The following C2orf81 variants were observed in gnomAD, a reference collection of about 807,000 sequenced individuals.
C2orf81 encodes uncharacterized protein C2orf81.
C2orf81 carries 5 observed loss-of-function variants against 7.9 expected under a neutral mutation model. That is an observed-to-expected ratio of 0.63 (90% CI 0.33 to 1.33). The LOEUF is 1.33. Among genes scored for constraint, C2orf81 ranks in the 40% most tolerant of loss-of-function variants. The probability of loss-of-function intolerance (pLI) is 0.05; values close to 1 mark genes in which losing one functional copy is unlikely to be tolerated. For missense variants in C2orf81, 781 were observed against 830.4 expected, an observed-to-expected ratio of 0.94 and a Z score of 0.73; for synonymous variants, 346 against 367.4, an observed-to-expected ratio of 0.94 and a Z score of 0.66.
intron 1 of C2orf81, among the ~76,000 whole-genome samples, chr2:74,417,959 G>A (rs1676511426): frequency 6.6e-6 from 1 of 151,714 alleles, no homozygotes; most frequent in Non-Finnish European, 1.5e-5. Context: ...CAGCCCATAG[G>A]GACCTGCAGC....
Position 74,415,508 on chromosome 2 carries a change from GGCC to G in C2orf81, c.666_668del (p.Ala223del), listed in dbSNP as rs1242963790. The G allele has an allele frequency of 6.5e-7, 1 of 1,544,602 alleles. No homozygotes were observed. The highest frequency in any genetic ancestry group is 1.2e-5 in the South Asian group (1 of 83,964). ...GAAACAGCTCTGATGTGGGAGGAGG[GGCC>G]GACGTGACTCTCAGCTGCGGAGAAG... On this transcript the variant is annotated inframe_deletion, in exon 3 of 3. Transcript: ENST00000684111. This position sits in a 1 kb window ranked among gnomAD's most constrained non-coding sequence, Gnocchi z 5.5.
intron 1 of C2orf81, among the ~76,000 whole-genome samples, chr2:74,416,991 T>C (rs890000823): frequency 6.6e-6 from 1 of 152,118 alleles, no homozygotes; most frequent in African/African-American, 2.4e-5. Context: ...TGCTGCAGCA[T>C]CCTAGGGGAG....
chr2:74,415,853 G>A lies in C2orf81; in HGVS notation c.324C>T (p.Asp108=), dbSNP rs1336516497. 2 of 1,551,466 alleles carry A rather than the reference G, an allele frequency of 1.3e-6. No individual in the cohort carries two copies. Among genetic ancestry groups the A allele is most frequent in the South Asian group, 2.4e-5 (2 of 84,070 alleles). Residue 108 remains aspartate (D), a synonymous_variant, in exon 3 of 3, where the codon GAC becomes GAT. Coordinates refer to ENST00000684111, the MANE Select transcript of C2orf81 (RefSeq NM_001316764.3). This position sits in a 1 kb window ranked among gnomAD's most constrained non-coding sequence, Gnocchi z 5.5. ...QITEWRFLAR[D]EGESAVAEDP... is the part of the protein sequence containing the mutation. ...CCTCAGCTACTGCAGATTCTCCCTC[G>A]TCCCGGGCCAGGAAGCGCCACTCGG... is the stretch of plus-strand genomic sequence containing the variant.
chr2:74,420,520 C>T (rs1676574627), intron 1 of C2orf81, among the ~76,000 whole-genome samples: 1 of 152,158 alleles, frequency 6.6e-6, no homozygotes, highest in Non-Finnish European at 1.5e-5. Flanking sequence ...TTTCCTAAGT[C>T]TTGCAGAACT....
Position 74,416,121 on chromosome 2 carries a change from A to G in C2orf81, c.139T>C (p.Trp47Arg), listed in dbSNP as rs147887803. 130 of 1,531,556 alleles carry G rather than the reference A, an allele frequency of 8.5e-5. 1 individual carries two copies. In the African/African-American group the frequency reaches 1.6e-3, roughly 19 times the overall value. 94.9% of individuals were successfully genotyped at this position (1,531,556 alleles called of 1,614,324 possible). A position where few individuals can be genotyped will look rare whatever the true frequency, so the allele number is the denominator to read the frequency against. Reference protein sequence around the residue: ...IVPGRLSEAEWMALTALEEGE... With the variant: ...IVPGRLSEAERMALTALEEGE... ...TCCTCGAGGGCTGTAAGCGCCATCC[A>G]CTCGGCCTCACTGAGCCGCCCAGGC... The change falls in exon 2 of 3, where the codon TGG becomes CGG. Residue 47 changes from tryptophan to arginine, a missense_variant. Transcript: ENST00000684111.
rs1676402911 is a variant in C2orf81, at chr2:74,414,954, C to G, written c.1223G>C (p.Arg408Pro). 2.6e-6 allele frequency: 4 copies of G among 1,547,188 alleles called. No homozygotes were observed. Among genetic ancestry groups the G allele is most frequent in the Non-Finnish European group, 3.5e-6 (4 of 1,145,184 alleles). Residue 408 changes from arginine to proline, a missense_variant, in exon 3 of 3, where the codon CGC becomes CCC. Physicochemically the swap from Arg to Pro is moderately radical, Grantham distance 103. Coordinates refer to ENST00000684111, the MANE Select transcript of C2orf81 (RefSeq NM_001316764.3). This position sits in a 1 kb window ranked among gnomAD's most constrained non-coding sequence, Gnocchi z 5.3. ...GGCCTTGGTCTTCTCGCCCCGCTGG[C>G]GTCCGCGGTAGGCTTCCAAGGGGCG... ...QTRPLEAYRGRQRGEKTKARA... is the reference protein window; with the variant it reads ...QTRPLEAYRGPQRGEKTKARA...
At position 74,415,682 on chromosome 2, in the gene C2orf81, G is replaced by C; in HGVS notation, c.495C>G (p.Asp165Glu). ...GEVHSSGASP[D>E]SSAIAPALPF... ...GGAGAGCAGGAGCAATGGCAGAGGA[G>C]TCCGGAGAGGCTCCTGAGGAGTGTA... Residue 165 changes from aspartate to glutamate, a missense_variant, in exon 3 of 3, where the codon GAC becomes GAG. By Grantham distance (45) the Asp-to-Glu change is conservative. Transcript: ENST00000684111. The surrounding 1 kb of genome is among the most constrained non-coding windows in gnomAD (Gnocchi z 5.5). 6.4e-7 allele frequency: 1 copy of C among 1,551,494 alleles called. No individual in the cohort carries two copies. Among genetic ancestry groups the C allele is most frequent in the Non-Finnish European group, 8.7e-7 (1 of 1,147,002 alleles).
rs1015436627 is a variant in C2orf81 at position 74,414,496 on chromosome 2, C to A, written c.1681G>T (p.Val561Leu). The A allele has an allele frequency of 1.2e-5, 18 of 1,549,704 alleles. No homozygotes were observed. Among genetic ancestry groups the A allele is most frequent in the Non-Finnish European group, 1.6e-5 (18 of 1,145,848 alleles). Residue 561 changes from valine (V) to leucine (L), a missense_variant, in exon 3 of 3, where the codon GTG becomes TTG. Transcript: ENST00000684111. This position sits in a 1 kb window ranked among gnomAD's most constrained non-coding sequence, Gnocchi z 5.3. ...AGCTTCAGGGCTTCTGGCAGCAACACGGGCTTCCACATCACCTGGGAAGTG... is the reference window on the plus strand; with the variant it reads ...AGCTTCAGGGCTTCTGGCAGCAACAAGGGCTTCCACATCACCTGGGAAGTG... ...EATSQVMWKPVLLPEALKLAP... is the reference protein window; with the variant it reads ...EATSQVMWKPLLLPEALKLAP...
chr2:74,415,465 C>A lies in C2orf81; in HGVS notation c.712G>T (p.Gly238Cys), dbSNP rs932310217. 6.5e-7 allele frequency: 1 copy of A among 1,536,688 alleles called. No individual in the cohort carries two copies. The highest frequency in any genetic ancestry group is 1.4e-5 in the African/African-American group (1 of 72,690). The change falls in exon 3 of 3, where the codon GGT (glycine) becomes TGT (cysteine). Residue 238 changes from glycine to cysteine, a missense_variant. Transcript: ENST00000684111. This position sits in a 1 kb window ranked among gnomAD's most constrained non-coding sequence, Gnocchi z 5.5. ...SELFQEAGPGGPVEEADGQSR... is the reference protein window; with the variant it reads ...SELFQEAGPGCPVEEADGQSR... Reference sequence around the variant, plus strand: ...TGGCCGTCCGCTTCCTCTACAGGACCTCCGGGCCCTGCCTCCTGAAACAGC... The same window carrying A: ...TGGCCGTCCGCTTCCTCTACAGGACATCCGGGCCCTGCCTCCTGAAACAGC...
chr2:74,417,699 T>C lies in C2orf81; in HGVS notation c.19-1458A>G, dbSNP rs1326988959. 5 of 581,698 alleles carry C rather than the reference T, an allele frequency of 8.6e-6. No individual in the cohort carries two copies. In the African/African-American group the frequency reaches 9.7e-5, roughly 11 times the overall value. 36.0% of individuals were successfully genotyped at this position (581,698 alleles called of 1,614,324 possible). A position where few individuals can be genotyped will look rare whatever the true frequency, so the allele number is the denominator to read the frequency against. On this transcript the variant is annotated intron_variant, in intron 1 of 2. Transcript: ENST00000684111. ...CCAGAATGGGGGCTTGGGCCCCTTT[T>C]AAGACCAGGGGAACCCTCCCAGGCC...
At chr2:74,417,601 G>C (rs1435390826) in intron 1 of C2orf81, 2 of 1,038,022 alleles carry the variant, frequency 1.9e-6, no homozygotes, top group East Asian at 9.8e-5. Context: ...AGTTTGGCTG[G>C]GGGAATCCTG....
intron 1 of C2orf81, among the ~76,000 whole-genome samples, chr2:74,420,278 G>T (rs1676566287): frequency 1.3e-5 from 2 of 148,848 alleles, no homozygotes; most frequent in African/African-American, 2.5e-5. Context: ...GTTTCCTTTT[G>T]TAATCACTTA....
At position 74,414,709 on chromosome 2, in the gene C2orf81, C is replaced by T; in HGVS notation, c.1468G>A (p.Ala490Thr). Residue 490 changes from alanine (A) to threonine (T), a missense_variant, in exon 3 of 3, where the codon GCC becomes ACC. Coordinates refer to ENST00000684111, the MANE Select transcript of C2orf81 (RefSeq NM_001316764.3). The surrounding 1 kb of genome is among the most constrained non-coding windows in gnomAD (Gnocchi z 5.3). ...LTTHPVLPDV[A>T]RSRSPKLWPS... Reference sequence around the variant, plus strand: ...CACAGCTTGGGGCTGCGGCTGCGGGCCACATCAGGGAGCACCGGGTGTGTG... The same window carrying T: ...CACAGCTTGGGGCTGCGGCTGCGGGTCACATCAGGGAGCACCGGGTGTGTG... 3 of 1,544,088 alleles carry T rather than the reference C, an allele frequency of 1.9e-6. No individual in the cohort carries two copies. Among genetic ancestry groups the T allele is most frequent in the Non-Finnish European group, 2.6e-6 (3 of 1,142,024 alleles).
At chr2:74,418,064 G>T in intron 1 of C2orf81, 1 of 553,100 alleles carries the variant, frequency 1.8e-6, no homozygotes, top group Non-Finnish European at 3.4e-6. Context: ...GGGAAGGGGT[G>T]GGGGGTGGGA....
chr2:74,417,429 TC>T (rs909085569), intron 1 of C2orf81: 73 of 1,310,498 alleles, frequency 5.6e-5, no homozygotes, highest in Admixed American at 1.1e-4. Context: ...TGTACTCAGA[TC>T]CCAGGCAGAC....
intron 1 of C2orf81, among the ~76,000 whole-genome samples, chr2:74,418,726 T>C (rs1002573971): frequency 1.3e-5 from 2 of 151,968 alleles, no homozygotes; most frequent in Admixed American, 6.5e-5. Flanking sequence ...CAACTATTCT[T>C]ATCTCCATTT....
Position 74,415,888 on chromosome 2 carries a change from G to C in C2orf81, c.289C>G (p.Leu97Val). The C allele has an allele frequency of 1.3e-6, 2 of 1,550,296 alleles. No individual in the cohort carries two copies. Among genetic ancestry groups the C allele is most frequent in the Non-Finnish European group, 1.7e-6 (2 of 1,145,914 alleles). Residue 97 changes from leucine (L) to valine (V), a missense_variant, in exon 3 of 3, where the codon CTG (leucine) becomes GTG (valine). Transcript: ENST00000684111. The surrounding 1 kb of genome is among the most constrained non-coding windows in gnomAD (Gnocchi z 5.5). ...AGGAAGCGCCACTCGGTGATCTGCA[G>C]CATGGCCTCCCGGGCCTGGCTGATG... ...FTISQAREAM[L>V]QITEWRFLAR...
chr2:74,416,777 G>C (rs954607314), intron 1 of C2orf81, among the ~76,000 whole-genome samples: 12 of 151,888 alleles, frequency 7.9e-5, no homozygotes, highest in African/African-American at 2.7e-4. Context: ...AAACAGTCCT[G>C]GAATTATTGG....
In C2orf81 at chr2:74,416,115, C is replaced by T. The variant is rs534366697; in HGVS notation, c.145G>A (p.Ala49Thr). The change falls in exon 2 of 3, where the codon GCG becomes ACG. Residue 49 changes from alanine to threonine, a missense_variant. Physicochemically the swap from Ala to Thr is moderately conservative, Grantham distance 58. Coordinates refer to ENST00000684111, the MANE Select transcript of C2orf81 (RefSeq NM_001316764.3). ...PGRLSEAEWMALTALEEGEDV... is the reference protein window; with the variant it reads ...PGRLSEAEWMTLTALEEGEDV... ...TCGCCCTCCTCGAGGGCTGTAAGCG[C>T]CATCCACTCGGCCTCACTGAGCCGC... 627 of 1,536,374 alleles carry T rather than the reference C, an allele frequency of 4.1e-4. No individual in the cohort carries two copies. Among genetic ancestry groups the T allele is most frequent in the Non-Finnish European group, 5.3e-4 (600 of 1,137,960 alleles).
Sources: allele counts gnomAD v4.1 joint callset (sites outside exome capture counted in the v4.1 genomes callset), GRCh38; gene constraint gnomAD v4.1.1; non-coding constraint Gnocchi (gnomAD v3.1); transcripts MANE v1.5; gene names NCBI Gene and HGNC (gene_info 2026-07-23, HGNC 2026-07-21).